Variants in PLEKHG1 observed in about 807,000 individuals in gnomAD.
PLEKHG1 encodes the protein pleckstrin homology and RhoGEF domain containing G1, also known as pleckstrin homology domain-containing family G member 1.
A neutral mutation model predicts 100.8 loss-of-function variants in PLEKHG1; 44 were observed. The observed-to-expected ratio is 0.44, with a 90% CI of 0.34 to 0.56. The LOEUF (loss-of-function observed/expected upper bound fraction) is 0.56, where lower values mean the gene tolerates loss of function less well. Among genes scored for constraint, PLEKHG1 ranks in the 20% least tolerant of loss-of-function variants. PLEKHG1 has a pLI of 0.01. For synonymous variants in PLEKHG1, 640 were observed against 662.5 expected (o/e 0.97, Z 0.52); for missense variants, 1,545 against 1,720.9 (o/e 0.90, Z 1.81).
rs528699259 is a variant in PLEKHG1 at position 150,820,096 on chromosome 6, C to G, written c.1408+322C>G. On this transcript the variant is annotated intron_variant, in intron 12 of 15. Coordinates refer to ENST00000358517, the Ensembl canonical transcript of PLEKHG1. ...TGGTGGTGTGCGCCTATAATCCTAG[C>G]TACTTGGGAGGCTGAGGCAGGAGAA... Among the ~76,000 whole-genome samples the G allele has an allele frequency of 7.8e-4, 119 of 152,134 alleles. 1 individual carries two copies. The highest frequency in any genetic ancestry group is 2.6e-3 in the African/African-American group (109 of 41,500).
chr6:150,764,728 T>C (rs1033864437), intron 2 of PLEKHG1, among the ~76,000 whole-genome samples: 2 of 152,110 alleles, frequency 1.3e-5, no homozygotes, highest in African/African-American at 4.8e-5. Context: ...TCTTCCTCCT[T>C]TCGCTGTGTT....
chr6:150,625,695 T>C (rs1417205683), intron 1 of PLEKHG1: 1 of 152,204 alleles, frequency 6.6e-6, no homozygotes, highest in Non-Finnish European at 1.5e-5. Flanking sequence ...GGTTTCACCA[T>C]GTTGGCCAGG....
chr6:150,660,951 G>A (rs116156721), intron 3 of PLEKHG1, among the ~76,000 whole-genome samples: 1,581 of 152,306 alleles, frequency 0.01, 16 homozygotes, highest in African/African-American at 0.026. Flanking sequence ...CAAGCTTAAT[G>A]TTGCTAAATT....
At chr6:150,777,684 C>G (rs939383469) in intron 3 of PLEKHG1, among the ~76,000 whole-genome samples, 1 of 151,130 alleles carries the variant, frequency 6.6e-6, no homozygotes, top group African/African-American at 2.4e-5. Flanking sequence ...ATTACTCACA[C>G]TGATGCAGTC....
At chr6:150,763,622 A>G (rs562946138) in intron 2 of PLEKHG1, among the ~76,000 whole-genome samples, 23 of 152,298 alleles carry the variant, frequency 1.5e-4, no homozygotes, top group African/African-American at 4.6e-4. Flanking sequence ...GCCTCTGCAG[A>G]TGGGGCCTGC....
intron 3 of PLEKHG1, among the ~76,000 whole-genome samples, chr6:150,660,071 ATT>A (rs60016202): frequency 3.5e-4 from 50 of 143,658 alleles, no homozygotes; most frequent in South Asian, 6.6e-4. Flanking sequence ...TTTGTTCATA[ATT>A]TTTTTTTTTT....
rs563353123 is a variant in PLEKHG1 at position 150,689,660 on chromosome 6, C to T, written c.-99+38874C>T. ...GGTGGGTCACCTGAGGTCAGGAGTT[C>T]GAGACCAGCCTGACCAACATGGTGG... On this transcript the variant is annotated intron_variant, in intron 3 of 3. Transcript: ENST00000367326. Among the ~76,000 whole-genome samples the T allele has an allele frequency of 2.4e-4, 37 of 151,912 alleles. No individual in the cohort carries two copies. In the East Asian group the frequency reaches 6.6e-3, roughly 27 times the overall value.
intron 1 of PLEKHG1, among the ~76,000 whole-genome samples, chr6:150,731,812 G>A (rs1349043809): frequency 2.6e-5 from 4 of 152,060 alleles, no homozygotes; most frequent in Admixed American, 6.6e-5. Context: ...GTGGAATCTC[G>A]TTATTTGAGG....
At chr6:150,704,161 G>C (rs1016023352) in intron 3 of PLEKHG1, among the ~76,000 whole-genome samples, 3 of 152,160 alleles carry the variant, frequency 2.0e-5, no homozygotes, top group African/African-American at 4.8e-5. Context: ...TTGGAGTGAG[G>C]GGGGCGATGT....
intron 1 of PLEKHG1, among the ~76,000 whole-genome samples, chr6:150,722,350 T>TTA (rs1491279478): frequency 1.3e-4 from 2 of 15,168 alleles, no homozygotes; most frequent in African/African-American, 2.5e-4. Context: ...TTTTCTTTTC[T>TTA]TTTTTTTTTT....
chr6:150,710,174 C>T (rs1781194262), intron 3 of PLEKHG1, among the ~76,000 whole-genome samples: 1 of 152,198 alleles, frequency 6.6e-6, no homozygotes, highest in Admixed American at 6.5e-5. Context: ...ATACTGGCAA[C>T]CAGCCAGTTG....
intron 1 of PLEKHG1, among the ~76,000 whole-genome samples, chr6:150,627,842 G>T (rs1777568330): frequency 6.6e-6 from 1 of 152,138 alleles, no homozygotes; most frequent in Admixed American, 6.5e-5. Context: ...AGAGTTTATT[G>T]CCATCTGTGA....
exon 15 of PLEKHG1, chr6:150,830,996 A>G (rs1562561877): frequency 6.2e-7 from 1 of 1,614,102 alleles, no homozygotes; most frequent in Non-Finnish European, 8.5e-7. Flanking sequence ...TGACAGAACT[A>G]GGGAACTGCA....
At chr6:150,698,497 T>TGTACAC (rs1780635863) in intron 3 of PLEKHG1, among the ~76,000 whole-genome samples, 1 of 23,506 alleles carries the variant, frequency 4.3e-5, no homozygotes, top group African/African-American at 1.2e-4. Flanking sequence ...CAATACTATA[T>TGTACAC]ATACACACAC....
intron 2 of PLEKHG1, among the ~76,000 whole-genome samples, chr6:150,737,851 T>C (rs1782655406): frequency 6.6e-6 from 1 of 151,982 alleles, no homozygotes; most frequent in Non-Finnish European, 1.5e-5. Flanking sequence ...TCACCCAGGC[T>C]AGAGTGCAGT....
chr6:150,612,883 G>A (rs978028642), intron 1 of PLEKHG1, among the ~76,000 whole-genome samples: 1 of 152,134 alleles, frequency 6.6e-6, no homozygotes, highest in African/African-American at 2.4e-5. Context: ...ATTGCAGTAG[G>A]CTCCTAACTG....
chr6:150,786,056 C>A (rs1785603552), intron 3 of PLEKHG1, among the ~76,000 whole-genome samples: 1 of 151,846 alleles, frequency 6.6e-6, no homozygotes, highest in Non-Finnish European at 1.5e-5. Context: ...TACAGGTACA[C>A]TGTACCTGGT....
chr6:150,798,142 A>G lies in PLEKHG1; in HGVS notation c.629+2240A>G, dbSNP rs189367652. ...GGCGATTGCAGGATGCCCCAGCTAAATCCCATGGTTCTAAACCAAAAGCCA... is the reference window on the plus strand; with the variant it reads ...GGCGATTGCAGGATGCCCCAGCTAAGTCCCATGGTTCTAAACCAAAAGCCA... On this transcript the variant is annotated intron_variant, in intron 5 of 15. Transcript: ENST00000358517. Among the ~76,000 whole-genome samples the G allele has an allele frequency of 2.6e-5, 4 of 152,250 alleles. No homozygotes were observed. The East Asian group carries it at 7.7e-4, about 29-fold the overall frequency.
exon 16 of PLEKHG1, chr6:150,841,195 T>C (rs774329204): frequency 6.6e-5 from 32 of 483,728 alleles, no homozygotes; most frequent in Non-Finnish European, 1.2e-4. Flanking sequence ...AACCTGACAA[T>C]AGTGCCCACA....
Sources: allele counts gnomAD v4.1 joint callset (sites outside exome capture counted in the v4.1 genomes callset), GRCh38; gene constraint gnomAD v4.1.1; transcripts MANE v1.5; gene names NCBI Gene and HGNC (gene_info 2026-07-23, HGNC 2026-07-21).